ZNF107: variants seen among roughly 807,000 people sequenced by gnomAD.
The protein encoded by ZNF107 is C2H2 type zinc-finger protein.
ZNF107 carries 19 observed loss-of-function variants against 12.3 expected under a neutral mutation model. The ratio of observed to expected loss-of-function variants is 1.55; its 90% CI spans 1.08 to 2.27. ZNF107 has a LOEUF of 2.27. ZNF107 is among the 30% of genes most tolerant of loss of function. ZNF107 has a pLI of 0.00. For synonymous variants in ZNF107, 317 were observed against 330.5 expected, an observed-to-expected ratio of 0.96 and a Z score of 0.44; for missense variants, 958 against 979.9, an observed-to-expected ratio of 0.98 and a Z score of 0.30.
At chr7:64,683,027 A>G (rs575048305) in intron 1 of ZNF107, among the ~76,000 whole-genome samples, 16 of 152,138 alleles carry the variant, frequency 1.1e-4, no homozygotes, top group East Asian at 3.9e-4. Context: ...GACCCAACCA[A>G]TTTTCGCCAG....
intron 1 of ZNF107, among the ~76,000 whole-genome samples, chr7:64,676,693 C>A (rs962605009): frequency 2.6e-5 from 4 of 152,272 alleles, no homozygotes; most frequent in South Asian, 2.1e-4. Flanking sequence ...TACCTCCCCC[C>A]ATATGTGTCC....
intron 1 of ZNF107, among the ~76,000 whole-genome samples, chr7:64,681,605 T>A (rs1286653956): frequency 6.6e-6 from 1 of 151,432 alleles, no homozygotes; most frequent in Non-Finnish European, 1.5e-5. Flanking sequence ...TACAGATCAC[T>A]CCCCCCTTAT....
At chr7:64,698,410 T>G (rs1296379120) in intron 3 of ZNF107, among the ~76,000 whole-genome samples, 1 of 152,080 alleles carries the variant, frequency 6.6e-6, no homozygotes, top group Admixed American at 6.5e-5. Flanking sequence ...TTAAATATAG[T>G]ATAGTTGAAT....
intron 3 of ZNF107, among the ~76,000 whole-genome samples, chr7:64,701,171 G>A (rs78555473): frequency 0.011 from 1,621 of 152,122 alleles, 34 homozygotes; most frequent in African/African-American, 0.037. Flanking sequence ...AGCATATTAT[G>A]TCTAATATAA....
chr7:64,695,354 C>T (rs563556182), intron 3 of ZNF107, among the ~76,000 whole-genome samples: 180 of 152,214 alleles, frequency 1.2e-3, no homozygotes, highest in Non-Finnish European at 2.1e-3. Context: ...TTCAAAATAC[C>T]TGTCTTCCAT....
rs1274634211 is a variant in ZNF107 at position 64,686,704 on chromosome 7, C to T, written c.4-4544C>T. 5.3e-6 allele frequency: 5 copies of T among 941,588 alleles called. No individual in the cohort carries two copies. In the South Asian group the frequency reaches 2.0e-4, roughly 37 times the overall value. 58.3% of individuals were successfully genotyped at this position (941,588 alleles called of 1,614,324 possible). On this transcript the variant is annotated intron_variant, in intron 1 of 3. Transcript: ENST00000620827. ...ACAACCAAAAACCACAAAAGAAGAA[C>T]AACGGGTTTCTGTTCCAACTGGTTG...
intron 3 of ZNF107, among the ~76,000 whole-genome samples, chr7:64,693,644 T>G (rs886852933): frequency 2.0e-5 from 3 of 152,112 alleles, no homozygotes; most frequent in Non-Finnish European, 2.9e-5. Flanking sequence ...AGACTGAATG[T>G]CCTTCAGGAT....
chr7:64,699,673 T>A (rs1790402992), intron 3 of ZNF107, among the ~76,000 whole-genome samples: 1 of 152,178 alleles, frequency 6.6e-6, no homozygotes, highest in Non-Finnish European at 1.5e-5. Flanking sequence ...CCAGTAATCT[T>A]CCCACGTTGG....
In ZNF107 at chr7:64,707,271, A is replaced by G. The variant is rs764535429; in HGVS notation, c.1174A>G (p.Met392Val). The G allele has an allele frequency of 6.2e-7, 1 of 1,613,222 alleles. No homozygotes were observed. The highest frequency in any genetic ancestry group is 8.5e-7 in the Non-Finnish European group (1 of 1,179,692). ...ACTTACTGCACATAAGAAAATTCTA[A>G]TGGAAGAGAAACCCTACAAATGTGA... is the stretch of plus-strand genomic sequence containing the variant. ...LKLTAHKKIL[M>V]EEKPYKCEEC... The change falls in exon 4 of 4, where the codon ATG becomes GTG. Residue 392 changes from methionine to valine, a missense_variant. Physicochemically the swap from Met to Val is conservative, Grantham distance 21 (BLOSUM62 1). Transcript: ENST00000620827.
At chr7:64,695,937 A>C (rs972272882) in intron 3 of ZNF107, among the ~76,000 whole-genome samples, 14 of 152,270 alleles carry the variant, frequency 9.2e-5, no homozygotes, top group African/African-American at 3.4e-4. Context: ...TGAAGTGTAC[A>C]TTTCAAGGCC....
intron 3 of ZNF107, among the ~76,000 whole-genome samples, chr7:64,699,037 TTATC>T (rs375043970): frequency 1.7e-3 from 258 of 152,238 alleles, no homozygotes; most frequent in African/African-American, 5.8e-3. Context: ...TTTCATCTGT[TTATC>T]TGTCTGTGTC....
At chr7:64,687,646 A>T in intron 1 of ZNF107, 1 of 823,586 alleles carries the variant, frequency 1.2e-6, no homozygotes, top group Non-Finnish European at 1.5e-6. Flanking sequence ...GCATATATGG[A>T]TGACCTCCCA....
At chr7:64,698,075 T>G (rs1584485691) in intron 3 of ZNF107, among the ~76,000 whole-genome samples, 1 of 152,108 alleles carries the variant, frequency 6.6e-6, no homozygotes, top group South Asian at 2.1e-4. Context: ...ACAGATTTGG[T>G]GTCTTTAAAA....
chr7:64,706,403 A>T lies in ZNF107; in HGVS notation c.306A>T (p.Arg102Ser). ...KDSFQKVTLR[R>S]YGKCEYENLQ... Reference sequence around the variant, plus strand: ...CTTTCCAGAAAGTGACACTGAGAAGATACGGAAAATGTGAATATGAGAATT... The same window carrying T: ...CTTTCCAGAAAGTGACACTGAGAAGTTACGGAAAATGTGAATATGAGAATT... The change falls in exon 4 of 4, where the codon AGA becomes AGT. Residue 102 changes from arginine to serine, a missense_variant. Physicochemically the swap from Arg to Ser is moderately radical, Grantham distance 110. Transcript: ENST00000620827. 1 of 1,613,316 alleles carries T rather than the reference A, an allele frequency of 6.2e-7. No homozygotes were observed. The highest frequency in any genetic ancestry group is 8.5e-7 in the Non-Finnish European group (1 of 1,179,520).
chr7:64,671,961 A>G (rs1245595509), intron 1 of ZNF107, among the ~76,000 whole-genome samples: 1 of 150,064 alleles, frequency 6.7e-6, no homozygotes, highest in African/African-American at 2.4e-5. Context: ...TTTTTTTTGT[A>G]TTTTTTAGTA....
chr7:64,702,649 C>T (rs1790513605), intron 3 of ZNF107, among the ~76,000 whole-genome samples: 1 of 151,864 alleles, frequency 6.6e-6, no homozygotes, highest in African/African-American at 2.4e-5. Flanking sequence ...CCTCTGCCTC[C>T]CAGATTCAAG....
intron 1 of ZNF107, chr7:64,679,280 C>T (rs1789554401): frequency 3.0e-6 from 3 of 985,036 alleles, no homozygotes; most frequent in Middle Eastern, 5.2e-4. Flanking sequence ...GAGACCCACC[C>T]GCGACCTCGG....
At chr7:64,667,248 G>A (rs1044954961) in intron 1 of ZNF107, among the ~76,000 whole-genome samples, 2 of 152,076 alleles carry the variant, frequency 1.3e-5, no homozygotes, top group Non-Finnish European at 2.9e-5. Flanking sequence ...CCAAATCCCA[G>A]CTTCCCCTCC....
intron 1 of ZNF107, among the ~76,000 whole-genome samples, chr7:64,677,990 A>C (rs993616115): frequency 2.6e-5 from 4 of 152,148 alleles, no homozygotes; most frequent in Non-Finnish European, 5.9e-5. Context: ...ATATTTTGCT[A>C]ATCTCTTTTT....
Sources: gnomAD v4.1 joint callset for allele counts (sites outside exome capture counted in the v4.1 genomes callset) on GRCh38, gnomAD v4.1.1 for gene constraint, MANE v1.5 for transcripts, NCBI Gene and HGNC (gene_info 2026-07-23, HGNC 2026-07-21) for gene names.